The following RHOBTB3 variants were observed in gnomAD, a reference collection of about 807,000 sequenced individuals.
The protein encoded by RHOBTB3 is rho-related BTB domain-containing protein 3.
Under a neutral mutation model 67.2 loss-of-function variants are expected in RHOBTB3, and 47 were observed. That is an observed-to-expected ratio of 0.70 (90% CI 0.55 to 0.89). The LOEUF is 0.89. RHOBTB3 is among the 40% of genes least tolerant of loss of function. The probability of loss-of-function intolerance (pLI) is 0.00; values close to 1 mark genes in which losing one functional copy is unlikely to be tolerated. For missense variants in RHOBTB3, 631 were observed against 750.0 expected (o/e 0.84, Z 1.85); for synonymous variants, 273 against 274.2 (o/e 1.00, Z 0.04).
rs1213461570 is a variant in RHOBTB3, at chr5:95,791,332, G to A, written c.1721-1727G>A. 2.0e-5 allele frequency among the ~76,000 whole-genome samples: 3 copies of A among 152,242 alleles called. No individual in the cohort carries two copies. In the East Asian group the frequency reaches 5.8e-4, roughly 29 times the overall value. On this transcript the variant is annotated intron_variant, in intron 11 of 11. Transcript: ENST00000379982. ...TGGACTCATGAACACAAACAGCGGT[G>A]CACAGGAATATGTTACCCTTGGCAT...
chr5:95,722,951 A>G (rs1003000632), intron 1 of RHOBTB3, among the ~76,000 whole-genome samples: 3 of 152,246 alleles, frequency 2.0e-5, no homozygotes, highest in African/African-American at 7.2e-5. Context: ...TTTTAACTGT[A>G]AAACCAAACA....
intron 1 of RHOBTB3, among the ~76,000 whole-genome samples, chr5:95,725,802 ATTC>A (rs1013843214): frequency 1.2e-4 from 18 of 150,600 alleles, no homozygotes; most frequent in East Asian, 5.9e-4. Context: ...TTAGCTTGGA[ATTC>A]TTCTTTTTTT....
intron 3 of RHOBTB3, among the ~76,000 whole-genome samples, chr5:95,741,642 C>T (rs1755603613): frequency 1.3e-5 from 2 of 149,686 alleles, no homozygotes; most frequent in East Asian, 2.0e-4. Flanking sequence ...TATAGGCATG[C>T]ATGACCACAT....
At position 95,776,524 on chromosome 5, in the gene RHOBTB3, C is replaced by T. The variant is rs1745887656; in HGVS notation, c.1283-3728C>T. On this transcript the variant is annotated intron_variant, in intron 8 of 11. Transcript: ENST00000379982. ...AAATTTGAAGTGACATGTAATAAGT[C>T]TTTGGCTTCTTTACTCCAGTTTTGA... Among the ~76,000 whole-genome samples, 3 of 152,004 alleles carry T rather than the reference C, an allele frequency of 2.0e-5. No individual in the cohort carries two copies. In the South Asian group the frequency reaches 6.2e-4, roughly 32 times the overall value.
chr5:95,776,856 C>T (rs1354581728), intron 8 of RHOBTB3, among the ~76,000 whole-genome samples: 2 of 152,208 alleles, frequency 1.3e-5, no homozygotes, highest in Non-Finnish European at 2.9e-5. Flanking sequence ...CACCTGCAGA[C>T]TCCACTCCTC....
chr5:95,790,942 T>C (rs1746365490), intron 11 of RHOBTB3, among the ~76,000 whole-genome samples: 1 of 152,204 alleles, frequency 6.6e-6, no homozygotes, highest in Non-Finnish European at 1.5e-5. Context: ...AGGCCCATCA[T>C]CCTAGTGGCA....
At chr5:95,766,522 C>G (rs1203296135) in intron 7 of RHOBTB3, among the ~76,000 whole-genome samples, 1 of 150,324 alleles carries the variant, frequency 6.7e-6, no homozygotes, top group Non-Finnish European at 1.5e-5. Flanking sequence ...CTTATTATTT[C>G]ATCATCATTT....
chr5:95,737,223 G>A lies in RHOBTB3; in HGVS notation c.415+148G>A. ...GCCAGCTGCTATCGCTTCATCATTT[G>A]ATACGATAAAAAAACAACAAAGGAG... On this transcript the variant is annotated intron_variant, in intron 3 of 11. Coordinates refer to ENST00000379982, the MANE Select transcript of RHOBTB3 (RefSeq NM_014899.4). 3 of 572,336 alleles carry A rather than the reference G, an allele frequency of 5.2e-6. No individual in the cohort carries two copies. The South Asian group carries it at 7.0e-5, about 13-fold the overall frequency. 35.5% of individuals were successfully genotyped at this position (572,336 alleles called of 1,614,324 possible). A position where few individuals can be genotyped will look rare whatever the true frequency, so the allele number is the denominator to read the frequency against.
chr5:95,740,039 C>T lies in RHOBTB3; in HGVS notation c.415+2964C>T, dbSNP rs183264769. ...GTGGGAGGTGGTTGAATCATGGGAG[C>T]GGGTTTTTCCTGTGCTATTCTCATG... On this transcript the variant is annotated intron_variant, in intron 3 of 11. Coordinates refer to ENST00000379982, the MANE Select transcript of RHOBTB3 (RefSeq NM_014899.4). Among the ~76,000 whole-genome samples the T allele has an allele frequency of 1.5e-3, 225 of 152,172 alleles. 3 individuals carry two copies. Among genetic ancestry groups the T allele is most frequent in the Non-Finnish European group, 1.3e-3 (85 of 67,994 alleles).
intron 3 of RHOBTB3, among the ~76,000 whole-genome samples, chr5:95,743,178 A>G (rs1000449607): frequency 2.0e-5 from 3 of 152,256 alleles, no homozygotes; most frequent in Non-Finnish European, 2.9e-5. Context: ...AGATGGCATT[A>G]TAAGTCGTTC....
At chr5:95,749,669 AT>A (rs1485175356) in intron 4 of RHOBTB3, among the ~76,000 whole-genome samples, 2 of 152,192 alleles carry the variant, frequency 1.3e-5, no homozygotes, top group Admixed American at 6.5e-5. Flanking sequence ...AGAATGGTGC[AT>A]TTCCTAAAAT....
At chr5:95,740,388 T>C (rs1051504093) in intron 3 of RHOBTB3, among the ~76,000 whole-genome samples, 2 of 152,214 alleles carry the variant, frequency 1.3e-5, no homozygotes, top group Admixed American at 6.5e-5. Context: ...GAAGTGACTA[T>C]AAACCACAAA....
At chr5:95,747,714 TAAAG>T (rs1444628703) in intron 3 of RHOBTB3, among the ~76,000 whole-genome samples, 1 of 152,222 alleles carries the variant, frequency 6.6e-6, no homozygotes, top group South Asian at 2.1e-4. Context: ...TTTTTAATCT[TAAAG>T]AAAAAGATAA....
chr5:95,731,121 T>A (rs1161449005), upstream of RHOBTB3: 1 of 1,049,382 alleles, frequency 9.5e-7, no homozygotes, highest in Non-Finnish European at 1.2e-6. Context: ...GCGTTGTATT[T>A]ATTAATTTAT....
At chr5:95,768,615 T>C (rs1000793382) in intron 8 of RHOBTB3, among the ~76,000 whole-genome samples, 1 of 152,216 alleles carries the variant, frequency 6.6e-6, no homozygotes, top group Non-Finnish European at 1.5e-5. Flanking sequence ...CTGTTTCTTT[T>C]GAGCAAAAGG....
intron 1 of RHOBTB3, among the ~76,000 whole-genome samples, chr5:95,723,272 T>C (rs1008837704): frequency 6.6e-6 from 1 of 152,264 alleles, no homozygotes; most frequent in Non-Finnish European, 1.5e-5. Flanking sequence ...AAAGCCATCC[T>C]GGGCCACATG....
At chr5:95,792,494 A>C (rs189493841) in intron 11 of RHOBTB3, among the ~76,000 whole-genome samples, 1 of 151,936 alleles carries the variant, frequency 6.6e-6, no homozygotes, top group Non-Finnish European at 1.5e-5. Context: ...CAAAAGCTTT[A>C]TTGGAAAAGA....
chr5:95,739,218 C>T (rs1755536290), intron 3 of RHOBTB3, among the ~76,000 whole-genome samples: 1 of 152,212 alleles, frequency 6.6e-6, no homozygotes, highest in Non-Finnish European at 1.5e-5. Context: ...CATCCTAGAC[C>T]CAGCCCGATT....
At chr5:95,757,105 CT>C (rs556585513) in intron 6 of RHOBTB3, among the ~76,000 whole-genome samples, 14 of 149,804 alleles carry the variant, frequency 9.3e-5, no homozygotes, top group Admixed American at 2.0e-4. Flanking sequence ...ATAGACGTTA[CT>C]TTTTTTTTTC....
Sources: allele counts gnomAD v4.1 joint callset (sites outside exome capture counted in the v4.1 genomes callset), GRCh38; gene constraint gnomAD v4.1.1; transcripts MANE v1.5; gene names NCBI Gene and HGNC (gene_info 2026-07-23, HGNC 2026-07-21).